PRSS16: variants seen among roughly 807,000 people sequenced by gnomAD.
PRSS16 encodes thymus-specific serine protease.
Under a neutral mutation model 61.7 loss-of-function variants are expected in PRSS16, and 43 were observed. The observed-to-expected ratio is 0.70, with a 90% confidence interval of 0.55 to 0.90. The LOEUF (loss-of-function observed/expected upper bound fraction) is 0.90, where lower values mean the gene tolerates loss of function less well. Among genes scored for constraint, PRSS16 ranks in the 40% least tolerant of loss-of-function variants. The pLI is 0.00. For synonymous variants in PRSS16, 273 were observed against 285.2 expected (o/e 0.96, Z 0.43); for missense variants, 591 against 659.1 (o/e 0.90, Z 1.13).
intron 9 of PRSS16, 59 bp downstream of exon 9, chr6:27,253,008 G>A: frequency 6.2e-7 from 1 of 1,609,848 alleles, no homozygotes; most frequent in Non-Finnish European, 8.5e-7. Flanking sequence ...ACTATGCCCA[G>A]AGAAGTCATC....
Position 27,250,803 on chromosome 6 carries a change from G to T in PRSS16, c.588G>T (p.Leu196=). 6.2e-7 allele frequency: 1 copy of T among 1,608,414 alleles called. No individual in the cohort carries two copies. Among genetic ancestry groups the T allele is most frequent in the Admixed American group, 1.7e-5 (1 of 59,368 alleles). Residue 196 remains leucine, a synonymous_variant, in exon 5 of 12, where the codon CTG becomes CTT. Transcript: ENST00000230582. ...GCTCCTTGGCCGCCTGGGCCCGGCT[G>T]AAGGTCCTGCGACTCCTCCGGGTGG... ...YAGSLAAWAR[L]KFPHLIFASV...
At position 27,251,757 on chromosome 6, in the gene PRSS16, C is replaced by A. The variant is rs1252019076; in HGVS notation, c.725C>A (p.Ala242Glu). Reference protein sequence around the residue: ...TAIGGSLECRAAVSVAFAEVE... With the variant: ...TAIGGSLECREAVSVAFAEVE... ...GCCTCTTGCTTCCCACAGTGCCGGG[C>A]GGCGGTGTCCGTCGCCTTCGCTGAA... The change falls in exon 8 of 12, where the codon GCG becomes GAG. Residue 242 changes from alanine (A) to glutamate (E), a missense_variant. Ala to Glu is a moderately radical substitution (Grantham distance 107). Transcript: ENST00000230582. This position sits in a 1 kb window ranked among gnomAD's most constrained non-coding sequence, Gnocchi z 5.6. 6.2e-7 allele frequency: 1 copy of A among 1,602,844 alleles called. No homozygotes were observed. Among genetic ancestry groups the A allele is most frequent in the South Asian group, 1.1e-5 (1 of 90,528 alleles).
intron 10 of PRSS16, 22 bp from the exon 11 acceptor site, chr6:27,254,964 C>G: frequency 1.2e-6 from 2 of 1,612,844 alleles, no homozygotes. Context: ...CTACCTAGCC[C>G]CATCCTATCC....
rs764893995 is a variant in PRSS16, at chr6:27,248,887, G to A, written c.278G>A (p.Gly93Glu). The change falls in exon 3 of 12, where the codon GGA (glycine) becomes GAA (glutamate). Residue 93 changes from glycine (G) to glutamate (E), a missense_variant. Gly to Glu is a moderately conservative substitution (Grantham distance 98). Transcript: ENST00000230582. Reference sequence around the variant, plus strand: ...GACCAACATTGGGTTGGCCAGGATGGACCCATATTCCTGCATCTAGGGGGT... The same window carrying A: ...GACCAACATTGGGTTGGCCAGGATGAACCCATATTCCTGCATCTAGGGGGT... The part of the protein sequence containing the change: ...VNDQHWVGQD[G>E]PIFLHLGGEG... 6.2e-7 allele frequency: 1 copy of A among 1,613,056 alleles called. No individual in the cohort carries two copies. Among genetic ancestry groups the A allele is most frequent in the Non-Finnish European group, 8.5e-7 (1 of 1,179,440 alleles).
At position 27,252,001 on chromosome 6, in the gene PRSS16, C is replaced by G. The variant is rs1283380387; in HGVS notation, c.969C>G (p.Ser323Arg). 1.9e-6 allele frequency: 3 copies of G among 1,574,780 alleles called. No homozygotes were observed. Among genetic ancestry groups the G allele is most frequent in the Non-Finnish European group, 2.6e-6 (3 of 1,162,562 alleles). ...TCCTCGGGGGCGGGGGCAACCGCAG[C>G]CACTCCACGCCCTACTGCGGGCTTC... The part of the protein sequence containing the change: ...GLLLGGGGNR[S>R]HSTPYCGLRR... Residue 323 changes from serine (S) to arginine (R), a missense_variant, in exon 8 of 12, where the codon AGC becomes AGG. Transcript: ENST00000230582. This position sits in a 1 kb window ranked among gnomAD's most constrained non-coding sequence, Gnocchi z 4.2.
rs1033115223 is a variant in PRSS16, at chr6:27,251,116, T to C, written c.666T>C (p.Asn222=). The C allele has an allele frequency of 1.2e-6, 2 of 1,613,942 alleles. No individual in the cohort carries two copies. Among genetic ancestry groups the C allele is most frequent in the Non-Finnish European group, 1.7e-6 (2 of 1,180,042 alleles). ...CCGTGCTGGATTTCTCCGAGTATAA[T>C]GACGTAAGGATGGCGGGCAGCAGGT... ...VRAVLDFSEY[N]DVVSRSLMST... The change falls in exon 6 of 12, where the codon AAT becomes AAC. Residue 222 remains asparagine, a synonymous_variant. Transcript: ENST00000230582. This position sits in a 1 kb window ranked among gnomAD's most constrained non-coding sequence, Gnocchi z 5.6.
In PRSS16 at chr6:27,249,103, A is replaced by C; in HGVS notation, c.341A>C (p.His114Pro). The C allele has an allele frequency of 8.0e-7, 1 of 1,250,104 alleles. No homozygotes were observed. 77.4% of individuals were successfully genotyped at this position (1,250,104 alleles called of 1,614,324 possible). A position where few individuals can be genotyped will look rare whatever the true frequency, so the allele number is the denominator to read the frequency against. ...CCCACCCATACACTCTTCACAGGCC[A>C]TCCCGCAGCCTTGGCCCCAGCCTGG... is the stretch of plus-strand genomic sequence containing the variant. ...SLGPGSVMRGHPAALAPAWGA... is the reference protein window; with the variant it reads ...SLGPGSVMRGPPAALAPAWGA... Residue 114 changes from histidine (H) to proline (P), a missense_variant, in exon 4 of 12, where the codon CAT becomes CCT. Coordinates refer to ENST00000230582, the MANE Select transcript of PRSS16 (RefSeq NM_005865.4).
intron 2 of PRSS16, 59 bp downstream of exon 2, chr6:27,248,107 T>C (rs1761262207): frequency 5.2e-6 from 8 of 1,547,892 alleles, no homozygotes; most frequent in Non-Finnish European, 7.0e-6. Flanking sequence ...GTCTCCCTCA[T>C]CTCTTCCTCA....
At position 27,247,995 on chromosome 6, in the gene PRSS16, C is replaced by G; in HGVS notation, c.184C>G (p.Leu62Val). Reference protein sequence around the residue: ...GAAALPKVGWLEQLLDPFNVS... With the variant: ...GAAALPKVGWVEQLLDPFNVS... ...TGCAGCCCTCCCAAAAGTGGGGTGG[C>G]TGGAGCAACTGCTGGACCCCTTCAA... Residue 62 changes from leucine to valine, a missense_variant, in exon 2 of 12, where the codon CTG becomes GTG. Physicochemically the swap from Leu to Val is conservative, Grantham distance 32 (BLOSUM62 1). Transcript: ENST00000230582. 1 of 1,613,610 alleles carries G rather than the reference C, an allele frequency of 6.2e-7. No homozygotes were observed. Among genetic ancestry groups the G allele is most frequent in the Non-Finnish European group, 8.5e-7 (1 of 1,179,776 alleles).
Position 27,255,164 on chromosome 6 carries a change from T to C in PRSS16, c.1476+33T>C. ...AAAAAAGGCTCTGAATCATTTGCAT[T>C]CTCATTTGAATAATCACTTGCATGT... is the stretch of plus-strand genomic sequence containing the variant. On this transcript the variant is annotated intron_variant, in intron 11 of 11. Coordinates refer to ENST00000230582, the MANE Select transcript of PRSS16 (RefSeq NM_005865.4). This position sits in a 1 kb window ranked among gnomAD's most constrained non-coding sequence, Gnocchi z 4.4. 6.2e-7 allele frequency: 1 copy of C among 1,614,058 alleles called. No homozygotes were observed. The highest frequency in any genetic ancestry group is 8.5e-7 in the Non-Finnish European group (1 of 1,179,968).
rs1760008925 is a variant in PRSS16 at position 27,255,333 on chromosome 6, C to T, written c.*18C>T. On this transcript the variant is annotated 3_prime_UTR_variant, in exon 12 of 12. Transcript: ENST00000230582. This position sits in a 1 kb window ranked among gnomAD's most constrained non-coding sequence, Gnocchi z 4.4. ...AAGTCTGAATCTCATACCCTTTCCA[C>T]TCCCTGCATGGTCACCTCAGTCCTG... 1 of 1,591,076 alleles carries T rather than the reference C, an allele frequency of 6.3e-7. No homozygotes were observed. Among genetic ancestry groups the T allele is most frequent in the Non-Finnish European group, 8.6e-7 (1 of 1,163,622 alleles).
Position 27,247,737 on chromosome 6 carries a change from C to T in PRSS16, c.-1C>T, listed in dbSNP as rs1761250279. On this transcript the variant is annotated 5_prime_UTR_variant, in exon 1 of 12. Transcript: ENST00000230582. Reference sequence around the variant, plus strand: ...TGGGGGAGAACAGAGTCCCGAACACCATGGCCGTCTGGCTTGCCCAGTGGC... The same window carrying T: ...TGGGGGAGAACAGAGTCCCGAACACTATGGCCGTCTGGCTTGCCCAGTGGC... 2 of 1,569,090 alleles carry T rather than the reference C, an allele frequency of 1.3e-6. No homozygotes were observed. The highest frequency in any genetic ancestry group is 1.9e-5 in the Admixed American group (1 of 52,578).
intron 4 of PRSS16, 32 bp from the exon 5 acceptor site, chr6:27,250,651 G>A (rs1759858065): frequency 1.3e-6 from 2 of 1,560,934 alleles, no homozygotes; most frequent in Non-Finnish European, 1.7e-6. Context: ...TCCCAGCGAT[G>A]AGGACCGACC....
At position 27,252,949 on chromosome 6, in the gene PRSS16, T is replaced by C; in HGVS notation, c.1150T>C (p.Tyr384His). ...LYQTCTEFGF[Y>H]VTCENPRCPF... is the part of the protein sequence containing the mutation. ...TCAGACATGTACCGAGTTCGGCTTC[T>C]GTAAGTGACTGGCCTAACCCTAACT... The change falls in exon 9 of 12, where the codon TAT (tyrosine) becomes CAT (histidine). Residue 384 changes from tyrosine (Y) to histidine (H), a missense_variant and splice_region_variant. Coordinates refer to ENST00000230582, the MANE Select transcript of PRSS16 (RefSeq NM_005865.4). This position sits in a 1 kb window ranked among gnomAD's most constrained non-coding sequence, Gnocchi z 4.2. 5 of 1,614,208 alleles carry C rather than the reference T, an allele frequency of 3.1e-6. No homozygotes were observed. Among genetic ancestry groups the C allele is most frequent in the Non-Finnish European group, 4.2e-6 (5 of 1,180,034 alleles).
Position 27,251,088 on chromosome 6 carries a change from G to A in PRSS16, c.638G>A (p.Arg213Gln), listed in dbSNP as rs761281733. Residue 213 changes from arginine to glutamine, a missense_variant, in exon 6 of 12, where the codon CGG becomes CAG. By Grantham distance (43) the Arg-to-Gln change is conservative. Coordinates refer to ENST00000230582, the MANE Select transcript of PRSS16 (RefSeq NM_005865.4). The surrounding 1 kb of genome is among the most constrained non-coding windows in gnomAD (Gnocchi z 5.6). ...FASVASSAPV[R>Q]AVLDFSEYND... ...TCGGTCGCCTCCTCCGCCCCGGTGC[G>A]GGCCGTGCTGGATTTCTCCGAGTAT... 16 of 1,614,088 alleles carry A rather than the reference G, an allele frequency of 9.9e-6. No homozygotes were observed. In the Admixed American group the frequency reaches 2.3e-4, roughly 24 times the overall value.
chr6:27,250,930 C>T, intron 5 of PRSS16, 112 bp from the exon 6 acceptor site: 7 of 1,564,096 alleles, frequency 4.5e-6, no homozygotes, highest in East Asian at 2.2e-5. Flanking sequence ...GAATTTTGCA[C>T]AAGCTGTCCT....
rs559901843 is a variant in PRSS16, at chr6:27,255,243, A to G, written c.1477-4A>G. 1.4e-5 allele frequency: 22 copies of G among 1,613,962 alleles called. No homozygotes were observed. In the South Asian group the frequency reaches 2.2e-4, roughly 16 times the overall value. On this transcript the variant is annotated splice_region_variant and splice_polypyrimidine_tract_variant and intron_variant, in intron 11 of 11. Transcript: ENST00000230582. This position sits in a 1 kb window ranked among gnomAD's most constrained non-coding sequence, Gnocchi z 4.4. ...ACTTTCAAATTCTTCCCACCTCCCC[A>G]CAGAACATCTTCCAGCAGCTACAGA... is the stretch of plus-strand genomic sequence containing the variant.
rs1759929337 is a variant in PRSS16 at position 27,252,178 on chromosome 6, A to G, written c.1008+138A>G. On this transcript the variant is annotated intron_variant, in intron 8 of 11. Coordinates refer to ENST00000230582, the MANE Select transcript of PRSS16 (RefSeq NM_005865.4). This position sits in a 1 kb window ranked among gnomAD's most constrained non-coding sequence, Gnocchi z 4.2. ...CTGTAAAATGGGGATAACACTTCAC[A>G]GGGCCGATGGGAAGATGAAATGAGG... The G allele has an allele frequency of 1.9e-6, 2 of 1,056,666 alleles. No homozygotes were observed. Among genetic ancestry groups the G allele is most frequent in the South Asian group, 1.8e-5 (1 of 55,220 alleles). 65.5% of individuals were successfully genotyped at this position (1,056,666 alleles called of 1,614,324 possible).
rs1056301711 is a variant in PRSS16 at position 27,255,468 on chromosome 6, A to G, written c.*153A>G. The G allele has an allele frequency of 5.6e-6, 4 of 714,446 alleles. No individual in the cohort carries two copies. In the African/African-American group the frequency reaches 7.2e-5, roughly 13 times the overall value. The allele number at this position is 714,446 out of a possible 1,614,324, so 44.3% of individuals were successfully genotyped here. On this transcript the variant is annotated 3_prime_UTR_variant, in exon 12 of 12. Transcript: ENST00000230582. This position sits in a 1 kb window ranked among gnomAD's most constrained non-coding sequence, Gnocchi z 4.4. ...ACGTAATTGGCATGTGTCTGCAAAC[A>G]TCCTTATTCCCAACTTAAAGTGCTT...
Sources: gnomAD v4.1 joint callset for allele counts on GRCh38, gnomAD v4.1.1 for gene constraint, Gnocchi (gnomAD v3.1) non-coding constraint, MANE v1.5 for transcripts, NCBI Gene and HGNC (gene_info 2026-07-23, HGNC 2026-07-21) for gene names.